Variants in ARK2C observed in about 807,000 individuals in gnomAD.
ARK2C encodes the protein arkadia (RNF111) C-terminal like ring finger ubiquitin ligase 2C.
chr18:46,405,822 G>A, the ARK2C span, among the ~76,000 whole-genome samples: 17 of 152,164 alleles, frequency 1.1e-4, no homozygotes, highest in Admixed American at 9.2e-4. Flanking sequence ...AAGGTTTGGG[G>A]TTACTGCTGT....
At chr18:46,394,171 G>A in the ARK2C span, among the ~76,000 whole-genome samples, 2,540 of 152,250 alleles carry the variant, frequency 0.017, 35 homozygotes, top group East Asian at 0.093. Context: ...GTCCCCTGCC[G>A]AGGGACAGAA....
the ARK2C span, chr18:46,335,436 A>G: frequency 2.0e-5 from 3 of 152,080 alleles, no homozygotes; most frequent in Admixed American, 6.5e-5. Flanking sequence ...CCACCTCCCA[A>G]GCAAATCCGA....
the ARK2C span, among the ~76,000 whole-genome samples, chr18:46,446,784 G>A: frequency 1.3e-5 from 2 of 150,444 alleles, no homozygotes; most frequent in Admixed American, 1.3e-4. Flanking sequence ...TCATGAGCAT[G>A]GATCTAAACA....
At chr18:46,370,088 C>G in the ARK2C span, among the ~76,000 whole-genome samples, 2 of 152,230 alleles carry the variant, frequency 1.3e-5, no homozygotes, top group African/African-American at 2.4e-5. Flanking sequence ...TGCTCCTCTT[C>G]CCTTTGAGCA....
chr18:46,416,923 C>T, the ARK2C span, among the ~76,000 whole-genome samples: 1 of 152,200 alleles, frequency 6.6e-6, no homozygotes, highest in African/African-American at 2.4e-5. Flanking sequence ...TGCCCAGAGG[C>T]AAGGGGTGGG....
chr18:46,400,121 G>A, the ARK2C span, among the ~76,000 whole-genome samples: 1 of 152,124 alleles, frequency 6.6e-6, no homozygotes, highest in Admixed American at 6.5e-5. Flanking sequence ...CTCCTGGCGG[G>A]TGTCCTGCTC....
chr18:46,383,423 A>C, the ARK2C span, among the ~76,000 whole-genome samples: 1 of 152,242 alleles, frequency 6.6e-6, no homozygotes, highest in African/African-American at 2.4e-5. Flanking sequence ...ACACATGTTA[A>C]TGAGAAAACT....
the ARK2C span, among the ~76,000 whole-genome samples, chr18:46,350,920 G>A: frequency 1.3e-5 from 2 of 152,204 alleles, no homozygotes; most frequent in Non-Finnish European, 2.9e-5. Flanking sequence ...GAAGAGGGCC[G>A]GGTTTAATTT....
chr18:46,351,186 G>T, the ARK2C span, among the ~76,000 whole-genome samples: 2 of 152,194 alleles, frequency 1.3e-5, no homozygotes, highest in Non-Finnish European at 2.9e-5. Flanking sequence ...GCTTCCCACT[G>T]GAGTCGACAC....
the ARK2C span, chr18:46,460,323 C>A: frequency 6.6e-6 from 1 of 152,128 alleles, no homozygotes; most frequent in Admixed American, 6.6e-5. Flanking sequence ...TCATCTCCTG[C>A]GCGCGTAGAG....
the ARK2C span, among the ~76,000 whole-genome samples, chr18:46,430,684 C>T: frequency 6.6e-6 from 1 of 152,118 alleles, no homozygotes; most frequent in Non-Finnish European, 1.5e-5. Flanking sequence ...TGAGAGTCCC[C>T]AGCTTTGTCT....
chr18:46,421,810 A>T, the ARK2C span, among the ~76,000 whole-genome samples: 1 of 152,114 alleles, frequency 6.6e-6, no homozygotes. Flanking sequence ...GTCCCCTCCC[A>T]TCAGTGTTTT....
chr18:46,391,988 C>T, the ARK2C span, among the ~76,000 whole-genome samples: 1 of 151,724 alleles, frequency 6.6e-6, no homozygotes, highest in African/African-American at 2.4e-5. Context: ...ACACCACGTA[C>T]ACACATACCA....
chr18:46,412,986 C>G, the ARK2C span, among the ~76,000 whole-genome samples: 1 of 152,112 alleles, frequency 6.6e-6, no homozygotes, highest in African/African-American at 2.4e-5. Context: ...GATGCTTGCA[C>G]GTCAAACAAC....
chr18:46,405,655 G>C, the ARK2C span, among the ~76,000 whole-genome samples: 1 of 152,184 alleles, frequency 6.6e-6, no homozygotes, highest in Non-Finnish European at 1.5e-5. Flanking sequence ...AGCTTGAGGG[G>C]TAGGGTTGGG....
At chr18:46,462,279 G>GC in the ARK2C span, 1 of 153,200 alleles carries the variant, frequency 6.5e-6, no homozygotes. Flanking sequence ...CCTGAGAGTA[G>GC]CCCCCTGAGC....
the ARK2C span, chr18:46,336,376 C>G: frequency 1.1e-4 from 107 of 972,570 alleles, no homozygotes; most frequent in African/African-American, 1.6e-3. Flanking sequence ...CTCCCTCACC[C>G]CCCCCAACAA....
At chr18:46,345,179 T>C in the ARK2C span, among the ~76,000 whole-genome samples, 5 of 151,452 alleles carry the variant, frequency 3.3e-5, no homozygotes, top group Non-Finnish European at 7.4e-5. Flanking sequence ...AAGGGACAAC[T>C]GGAAGGAAGT....
At chr18:46,414,821 C>T in the ARK2C span, among the ~76,000 whole-genome samples, 4 of 152,146 alleles carry the variant, frequency 2.6e-5, no homozygotes, top group African/African-American at 9.7e-5. Flanking sequence ...TATGAGTGGC[C>T]GTGTTAGATT....
Sources: allele counts gnomAD v4.1 joint callset (sites outside exome capture counted in the v4.1 genomes callset), GRCh38; gene constraint gnomAD v4.1.1; transcripts MANE v1.5; gene names NCBI Gene and HGNC (gene_info 2026-07-23, HGNC 2026-07-21).